Variants in NRG3 observed in about 807,000 individuals in gnomAD.
The protein encoded by NRG3 is neuregulin 3.
A neutral mutation model predicts 66.9 loss-of-function variants in NRG3; 31 were observed. The observed-to-expected ratio is 0.46, with a 90% confidence interval of 0.35 to 0.63. The LOEUF (loss-of-function observed/expected upper bound fraction) is 0.63. Ranked by LOEUF, NRG3 falls within the 20% of genes least tolerant of loss-of-function variation. The pLI is 0.00. For missense variants in NRG3, 910 were observed against 878.9 expected (o/e 1.04, Z -0.45); for synonymous variants, 393 against 359.4 (o/e 1.09, Z -1.06).
rs149479366 is a variant in NRG3, at chr10:82,202,596, G to A, written c.824-156143G>A. 1.0e-3 allele frequency among the ~76,000 whole-genome samples: 154 copies of A among 152,278 alleles called. 1 individual carries two copies. Among genetic ancestry groups the A allele is most frequent in the Middle Eastern group, 3.4e-3 (1 of 294 alleles). ...ATCAATATTACTTGGAAATCCTGTT[G>A]CCTATGTATTTCTACACAGATCAAA... is the stretch of plus-strand genomic sequence containing the variant. On this transcript the variant is annotated intron_variant, in intron 1 of 8. Coordinates refer to ENST00000372141, the MANE Select transcript of NRG3 (RefSeq NM_001010848.4).
At chr10:82,947,154 T>C (rs1849103588) in intron 4 of NRG3, among the ~76,000 whole-genome samples, 1 of 152,190 alleles carries the variant, frequency 6.6e-6, no homozygotes, top group South Asian at 2.1e-4. Context: ...ACATGTTTTA[T>C]GTTATTATAG....
intron 1 of NRG3, among the ~76,000 whole-genome samples, chr10:82,143,205 A>AG (rs1286881702): frequency 6.6e-6 from 1 of 152,176 alleles, no homozygotes; most frequent in Non-Finnish European, 1.5e-5. Context: ...TGAAAGGCCA[A>AG]GGACAGTTTC....
At chr10:82,904,091 T>A (rs1404705262) in intron 4 of NRG3, among the ~76,000 whole-genome samples, 1 of 152,192 alleles carries the variant, frequency 6.6e-6, no homozygotes, top group Non-Finnish European at 1.5e-5. Flanking sequence ...AGTTCAGACA[T>A]GGTACAAGAC....
At chr10:82,614,270 T>G (rs1314940924) in intron 2 of NRG3, among the ~76,000 whole-genome samples, 1 of 152,188 alleles carries the variant, frequency 6.6e-6, no homozygotes, top group Non-Finnish European at 1.5e-5. Flanking sequence ...GGAGGCAAGT[T>G]TGAAAATTTT....
intron 1 of NRG3, among the ~76,000 whole-genome samples, chr10:82,043,672 C>A (rs1198745537): frequency 6.6e-6 from 1 of 151,956 alleles, no homozygotes; most frequent in African/African-American, 2.4e-5. Context: ...CATTTCTGGG[C>A]AGTTGCTTTG....
chr10:82,672,085 G>T (rs2134046040), intron 2 of NRG3, among the ~76,000 whole-genome samples: 1 of 152,286 alleles, frequency 6.6e-6, no homozygotes, highest in Admixed American at 6.5e-5. Context: ...TGGCGTGTAA[G>T]TTGTAAATTT....
intron 4 of NRG3, among the ~76,000 whole-genome samples, chr10:82,922,491 C>T (rs1193759703): frequency 6.6e-6 from 1 of 152,120 alleles, no homozygotes; most frequent in Non-Finnish European, 1.5e-5. Flanking sequence ...TGGTTTGTTT[C>T]ACCTGTGAAT....
chr10:82,574,019 C>A (rs1034683802), intron 2 of NRG3, among the ~76,000 whole-genome samples: 1 of 151,626 alleles, frequency 6.6e-6, no homozygotes, highest in Admixed American at 6.6e-5. Context: ...ATGATCCAAC[C>A]AATCCACTGC....
At chr10:82,086,328 G>T (rs931652790) in intron 1 of NRG3, among the ~76,000 whole-genome samples, 18 of 152,188 alleles carry the variant, frequency 1.2e-4, no homozygotes, top group African/African-American at 4.3e-4. Context: ...TAGCTGGAAG[G>T]AGAAGAAATT....
chr10:82,518,381 A>G (rs983366787), intron 2 of NRG3, among the ~76,000 whole-genome samples: 3 of 152,178 alleles, frequency 2.0e-5, no homozygotes, highest in African/African-American at 7.2e-5. Context: ...TGCTGAGGCT[A>G]TGTAAGTTAC....
At chr10:82,174,793 C>G (rs1465815490) in intron 1 of NRG3, among the ~76,000 whole-genome samples, 1 of 152,016 alleles carries the variant, frequency 6.6e-6, no homozygotes, top group African/African-American at 2.4e-5. Context: ...GCATCTAGTT[C>G]CTGCTGCTTA....
intron 3 of NRG3, among the ~76,000 whole-genome samples, chr10:82,758,935 C>T (rs1042060223): frequency 2.0e-5 from 3 of 151,762 alleles, no homozygotes; most frequent in Non-Finnish European, 2.9e-5. Flanking sequence ...TAGACCATCA[C>T]CACCCAAATC....
chr10:82,514,253 G>T (rs187602099), intron 2 of NRG3, among the ~76,000 whole-genome samples: 1 of 152,102 alleles, frequency 6.6e-6, no homozygotes. Context: ...CTGTCATGAA[G>T]TCTTTGCCCA....
chr10:82,041,832 C>G (rs4426083), intron 1 of NRG3, among the ~76,000 whole-genome samples: 134,514 of 151,642 alleles, frequency 0.89, 60,806 homozygotes, highest in South Asian at 0.99. Flanking sequence ...CTCTCTCTGT[C>G]TATTTCATTA....
At chr10:82,392,843 G>A (rs557887802) in intron 2 of NRG3, among the ~76,000 whole-genome samples, 1 of 151,872 alleles carries the variant, frequency 6.6e-6, no homozygotes, top group African/African-American at 2.4e-5. Context: ...GCAGGCTGCA[G>A]TGTTTGTTCA....
At position 82,461,960 on chromosome 10, in the gene NRG3, G is replaced by T. The variant is rs374742334; in HGVS notation, c.953+103092G>T. Among the ~76,000 whole-genome samples the T allele has an allele frequency of 5.3e-5, 8 of 152,052 alleles. No homozygotes were observed. The East Asian group carries it at 1.4e-3, about 26-fold the overall frequency. ...AGCCTGGCCAACATGGAGAAACCCC[G>T]TCTCTACTAAAAATACAAAAATTAG... On this transcript the variant is annotated intron_variant, in intron 2 of 8. Transcript: ENST00000372141.
chr10:82,705,409 T>G (rs371630846), intron 2 of NRG3, among the ~76,000 whole-genome samples: 6 of 152,318 alleles, frequency 3.9e-5, no homozygotes, highest in African/African-American at 1.4e-4. Context: ...AGCAATCTGT[T>G]TGTTAACAAG....
intron 2 of NRG3, among the ~76,000 whole-genome samples, chr10:82,552,023 C>A (rs572768915): frequency 6.6e-6 from 1 of 151,952 alleles, no homozygotes; most frequent in African/African-American, 2.4e-5. Context: ...GCCTGGAATT[C>A]GAGATTGCAG....
chr10:82,527,983 G>A (rs1210652165), intron 2 of NRG3, among the ~76,000 whole-genome samples: 1 of 152,076 alleles, frequency 6.6e-6, no homozygotes. Context: ...TACATTGTTG[G>A]ATGTTTTGCA....
Sources: gnomAD v4.1 joint callset for allele counts (sites outside exome capture counted in the v4.1 genomes callset) on GRCh38, gnomAD v4.1.1 for gene constraint, MANE v1.5 for transcripts, NCBI Gene and HGNC (gene_info 2026-07-23, HGNC 2026-07-21) for gene names.